Variants in LEKR1 observed in about 807,000 individuals in gnomAD.
The protein encoded by LEKR1 is protein LEKR1.
In LEKR1, 59 loss-of-function variants were observed where a neutral mutation model predicts 72.4. The ratio of observed to expected loss-of-function variants is 0.82; its 90% CI spans 0.66 to 1.01. The LOEUF is 1.01. Among genes scored for constraint, LEKR1 ranks in the 50% least tolerant of loss-of-function variants. The pLI, the probability that LEKR1 is intolerant of heterozygous loss-of-function variation, is 0.00. For missense variants in LEKR1, 728 were observed against 759.2 expected (o/e 0.96, Z 0.48); for synonymous variants, 257 against 263.2 (o/e 0.98, Z 0.23).
chr3:156,874,527 AT>A (rs1258411039), intron 3 of LEKR1, among the ~76,000 whole-genome samples: 7 of 122,892 alleles, frequency 5.7e-5, no homozygotes, highest in Non-Finnish European at 1.1e-4. Context: ...GTTATATGTG[AT>A]TTTTTTAAAA....
intron 3 of LEKR1, among the ~76,000 whole-genome samples, chr3:156,894,843 T>C (rs2108559152): frequency 6.6e-6 from 1 of 152,192 alleles, no homozygotes. Flanking sequence ...TATACATAAG[T>C]GGAAGATTGA....
chr3:156,957,811 A>C (rs9882009), intron 6 of LEKR1, among the ~76,000 whole-genome samples: 131,978 of 151,938 alleles, frequency 0.87, 57,626 homozygotes, highest in African/African-American at 0.96. Flanking sequence ...TCTCCTTTTA[A>C]AGAGAGGGTC....
intron 6 of LEKR1, among the ~76,000 whole-genome samples, chr3:156,965,004 C>T (rs539586578): frequency 7.2e-5 from 11 of 151,972 alleles, no homozygotes; most frequent in Admixed American, 2.0e-4. Context: ...CTAGGCTGTC[C>T]GTATCCATTT....
chr3:156,951,955 T>G (rs1482060736), intron 6 of LEKR1, among the ~76,000 whole-genome samples: 1 of 151,586 alleles, frequency 6.6e-6, no homozygotes, highest in Non-Finnish European at 1.5e-5. Flanking sequence ...TCAAATAATT[T>G]TTTACTATTG....
intron 3 of LEKR1, among the ~76,000 whole-genome samples, chr3:156,905,936 C>A (rs1037466184): frequency 2.4e-4 from 36 of 152,046 alleles, no homozygotes; most frequent in African/African-American, 7.7e-4. Flanking sequence ...GCCTGTCCGA[C>A]CTTAGTAGGA....
At chr3:156,977,588 C>T (rs1729808302) in intron 6 of LEKR1, 1 of 301,460 alleles carries the variant, frequency 3.3e-6, no homozygotes. Context: ...GTGATTATGA[C>T]ATATGCAACA....
intron 3 of LEKR1, among the ~76,000 whole-genome samples, chr3:156,859,437 T>C (rs1343821145): frequency 1.3e-5 from 2 of 152,206 alleles, no homozygotes; most frequent in Non-Finnish European, 2.9e-5. Flanking sequence ...TTTAACAAAT[T>C]AATAAACTTT....
chr3:156,943,817 C>T (rs937578875), intron 6 of LEKR1, among the ~76,000 whole-genome samples: 1 of 151,820 alleles, frequency 6.6e-6, no homozygotes, highest in African/African-American at 2.4e-5. Flanking sequence ...GAGAAGATAA[C>T]AAGTCATCAT....
chr3:156,975,575 T>A (rs544022056), intron 6 of LEKR1, among the ~76,000 whole-genome samples: 1 of 152,306 alleles, frequency 6.6e-6, no homozygotes, highest in East Asian at 1.9e-4. Context: ...TAATTATGAA[T>A]ACCTTTTATA....
intron 3 of LEKR1, among the ~76,000 whole-genome samples, chr3:156,866,982 A>G (rs1717384611): frequency 6.6e-6 from 1 of 152,076 alleles, no homozygotes. Flanking sequence ...TCTGAGTTAC[A>G]GGTTTCATTT....
intron 6 of LEKR1, chr3:156,977,458 C>T: frequency 4.2e-6 from 2 of 477,966 alleles, no homozygotes; most frequent in Non-Finnish European, 8.4e-6. Flanking sequence ...AACTCAGTGC[C>T]CACCCCTTGC....
At chr3:156,942,338 A>G (rs1231018530) in intron 5 of LEKR1, among the ~76,000 whole-genome samples, 191 bp from the exon 6 acceptor site, 1 of 152,068 alleles carries the variant, frequency 6.6e-6, no homozygotes, top group Non-Finnish European at 1.5e-5. Flanking sequence ...ATGTAGCAAT[A>G]AAACTTTTTT....
intron 12 of LEKR1, among the ~76,000 whole-genome samples, chr3:157,034,861 G>T (rs528687408): frequency 6.6e-6 from 1 of 152,134 alleles, no homozygotes; most frequent in Non-Finnish European, 1.5e-5. Context: ...TGCCCAGGCT[G>T]GAGTGCAGTG....
intron 3 of LEKR1, among the ~76,000 whole-genome samples, chr3:156,868,983 T>C (rs947054138): frequency 6.6e-6 from 1 of 152,056 alleles, no homozygotes; most frequent in African/African-American, 2.4e-5. Context: ...TCACTTAACA[T>C]AATGACCTCC....
chr3:156,923,603 G>C (rs1433458292), intron 4 of LEKR1, among the ~76,000 whole-genome samples: 2 of 152,088 alleles, frequency 1.3e-5, no homozygotes, highest in African/African-American at 4.8e-5. Flanking sequence ...GTTTCCACTT[G>C]TTGGTGCTTA....
intron 7 of LEKR1, among the ~76,000 whole-genome samples, chr3:156,984,115 A>G (rs534869268): frequency 1.1e-4 from 16 of 152,340 alleles, no homozygotes; most frequent in South Asian, 8.3e-4. Context: ...TAGAAATATC[A>G]GAAAAATGAT....
chr3:157,034,958 A>T (rs367883154), intron 12 of LEKR1, among the ~76,000 whole-genome samples: 1 of 152,186 alleles, frequency 6.6e-6, no homozygotes, highest in Non-Finnish European at 1.5e-5. Context: ...TGCTACTGCC[A>T]TCCCAACCTT....
intron 7 of LEKR1, among the ~76,000 whole-genome samples, chr3:156,989,086 C>T (rs971897218): frequency 1.3e-5 from 2 of 152,154 alleles, no homozygotes; most frequent in Non-Finnish European, 2.9e-5. Context: ...TGCCTTGGCT[C>T]CCAAAGTGCT....
At chr3:157,006,226 C>T (rs1431784541) in intron 9 of LEKR1, among the ~76,000 whole-genome samples, 4 of 151,576 alleles carry the variant, frequency 2.6e-5, no homozygotes, top group Non-Finnish European at 5.9e-5. Flanking sequence ...AGGATGGTCT[C>T]GATCTCCTGA....
Sources: gnomAD v4.1 joint callset for allele counts (sites outside exome capture counted in the v4.1 genomes callset) on GRCh38, gnomAD v4.1.1 for gene constraint, MANE v1.5 for transcripts, NCBI Gene and HGNC (gene_info 2026-07-23, HGNC 2026-07-21) for gene names.